VAV1: variants seen among roughly 807,000 people sequenced by gnomAD.
VAV1 encodes vav guanine nucleotide exchange factor 1.
VAV1 carries 33 observed loss-of-function variants against 128.1 expected under a neutral mutation model. That is an observed-to-expected ratio of 0.26 (90% CI 0.20 to 0.34). The LOEUF (loss-of-function observed/expected upper bound fraction) is 0.34. Among genes scored for constraint, VAV1 ranks in the 10% least tolerant of loss-of-function variants. The pLI is 1.00. For missense variants in VAV1, 715 were observed against 1,093.7 expected, an observed-to-expected ratio of 0.65 and a Z score of 4.88; for synonymous variants, 394 against 409.8, an observed-to-expected ratio of 0.96 and a Z score of 0.47.
rs1971813659 is a variant in VAV1, at chr19:6,822,364, G to T, written c.558+35G>T. ...GTGGAGGGTCGGGCCTGGGGAGGGC[G>T]TGGGCGGGGGGCAGCCCCAGGCCCC... On this transcript the variant is annotated intron_variant, in intron 5 of 26. Transcript: ENST00000602142. This position sits in a 1 kb window ranked among gnomAD's most constrained non-coding sequence, Gnocchi z 5.9. 6.4e-7 allele frequency: 1 copy of T among 1,552,344 alleles called. No homozygotes were observed. Among genetic ancestry groups the T allele is most frequent in the Admixed American group, 2.0e-5 (1 of 51,160 alleles).
In VAV1 at chr19:6,822,386, C is replaced by A. The variant is rs1311842594; in HGVS notation, c.559-33C>A. ...GGCGTGGGCGGGGGGCAGCCCCAGG[C>A]CCCCCAACACCGGCCTCTCCCCTCG... On this transcript the variant is annotated intron_variant, in intron 5 of 26. Coordinates refer to ENST00000602142, the MANE Select transcript of VAV1 (RefSeq NM_005428.4). This position sits in a 1 kb window ranked among gnomAD's most constrained non-coding sequence, Gnocchi z 5.9. 3.2e-6 allele frequency: 5 copies of A among 1,552,684 alleles called. No homozygotes were observed. The highest frequency in any genetic ancestry group is 2.0e-5 in the Admixed American group (1 of 51,196).
chr19:6,848,403 T>C (rs573797427), intron 23 of VAV1, among the ~76,000 whole-genome samples: 2 of 141,534 alleles, frequency 1.4e-5, no homozygotes, highest in South Asian at 2.2e-4. Context: ...CCCCTTTTTT[T>C]CTTTTCTTTT....
chr19:6,817,415 A>G (rs1041465323), intron 1 of VAV1, among the ~76,000 whole-genome samples: 5 of 152,136 alleles, frequency 3.3e-5, no homozygotes, highest in African/African-American at 1.2e-4. Context: ...GTTGGCAAGT[A>G]TGTCAGAATC....
intron 1 of VAV1, among the ~76,000 whole-genome samples, chr19:6,785,012 C>T (rs939119672): frequency 6.6e-6 from 1 of 152,216 alleles, no homozygotes; most frequent in African/African-American, 2.4e-5. Flanking sequence ...TTCCCTGCTC[C>T]CTCTCTACCC....
intron 22 of VAV1, 85 bp downstream of exon 22, chr19:6,843,251 AT>A: frequency 6.8e-7 from 1 of 1,461,956 alleles, no homozygotes; most frequent in South Asian, 1.1e-5. Context: ...CTCCGAGCCA[AT>A]TAGTTATGCA....
chr19:6,774,168 C>T (rs1414839249), intron 1 of VAV1, among the ~76,000 whole-genome samples: 3 of 152,140 alleles, frequency 2.0e-5, no homozygotes, highest in Non-Finnish European at 2.9e-5. Context: ...CACTCTGTCA[C>T]GCAGGCTGGA....
Position 6,833,743 on chromosome 19 carries a change from T to A in VAV1, c.1731+10T>A. 1 of 1,614,140 alleles carries A rather than the reference T, an allele frequency of 6.2e-7. No individual in the cohort carries two copies. On this transcript the variant is annotated intron_variant, in intron 18 of 26. Coordinates refer to ENST00000602142, the MANE Select transcript of VAV1 (RefSeq NM_005428.4). ...AGGAACTATGAAGAAGGTAAGACTT[T>A]CCCGTGGTCCTTCCTGTGTACCACA...
chr19:6,841,003 C>A (rs1011878841), intron 21 of VAV1, among the ~76,000 whole-genome samples: 1 of 152,046 alleles, frequency 6.6e-6, no homozygotes, highest in African/African-American at 2.4e-5. Flanking sequence ...GTCTCGAACT[C>A]CTGACCTGAG....
intron 22 of VAV1, among the ~76,000 whole-genome samples, chr19:6,846,907 G>T: frequency 6.8e-6 from 1 of 147,084 alleles, no homozygotes. Context: ...TTTATATTCA[G>T]TGGCTTTTTG....
intron 15 of VAV1, among the ~76,000 whole-genome samples, chr19:6,832,663 T>TCCG (rs1410078205): frequency 6.8e-6 from 1 of 146,958 alleles, no homozygotes; most frequent in African/African-American, 2.5e-5. Context: ...TTCCTCCTCC[T>TCCG]CCTCCTCTTC....
chr19:6,821,522 C>T (rs542975899), intron 2 of VAV1, 100 bp from the exon 3 acceptor site: 4 of 1,402,668 alleles, frequency 2.9e-6, no homozygotes, highest in Non-Finnish European at 3.0e-6. Flanking sequence ...TTCCAAGAGG[C>T]ATGGGATCTA....
rs373833790 is a variant in VAV1, at chr19:6,836,315, T to A, written c.1778-117T>A. The stretch of plus-strand genomic sequence containing the variant: ...AAATTCCAGTTTCTCCACGTCCTTG[T>A]CAACACTTAGTATTGCCAGTCTAAA... On this transcript the variant is annotated intron_variant, in intron 19 of 26. Transcript: ENST00000602142. 36 of 1,321,978 alleles carry A rather than the reference T, an allele frequency of 2.7e-5. 5 individuals carry two copies. The highest frequency in any genetic ancestry group is 5.0e-5 in the East Asian group (2 of 39,652). 81.9% of individuals were successfully genotyped at this position (1,321,978 alleles called of 1,614,324 possible). A position where few individuals can be genotyped will look rare whatever the true frequency, so the allele number is the denominator to read the frequency against.
intron 21 of VAV1, among the ~76,000 whole-genome samples, chr19:6,841,481 T>TC (rs981763147): frequency 3.3e-5 from 5 of 150,092 alleles, no homozygotes; most frequent in South Asian, 2.1e-4. Context: ...TTCTTTTCTT[T>TC]TTTTTTTTTT....
Position 6,826,654 on chromosome 19 carries a change from C to A in VAV1, c.870C>A (p.Ala290=), listed in dbSNP as rs1288529255. ...GCTACTGCAGCCAGGTGGAGTCAGC[C>A]AGCAAACACCTGGACCGTGTGGCCG... ...YGRYCSQVES[A]SKHLDRVAAA... is the part of the protein sequence containing the mutation. Residue 290 remains alanine, a synonymous_variant, in exon 9 of 27, where the codon GCC becomes GCA. Coordinates refer to ENST00000602142, the MANE Select transcript of VAV1 (RefSeq NM_005428.4). This position sits in a 1 kb window ranked among gnomAD's most constrained non-coding sequence, Gnocchi z 4.1. 2 of 1,562,490 alleles carry A rather than the reference C, an allele frequency of 1.3e-6. No homozygotes were observed.
At position 6,820,911 on chromosome 19, in the gene VAV1, A is replaced by C; in HGVS notation, c.321+93A>C. Reference sequence around the variant, plus strand: ...AGCTAAGGACTGTCAGGGGACAGGCAGACAAGCCAGACCAGGCCATATACA... The same window carrying C: ...AGCTAAGGACTGTCAGGGGACAGGCCGACAAGCCAGACCAGGCCATATACA... On this transcript the variant is annotated intron_variant, in intron 2 of 26. Coordinates refer to ENST00000602142, the MANE Select transcript of VAV1 (RefSeq NM_005428.4). This position sits in a 1 kb window ranked among gnomAD's most constrained non-coding sequence, Gnocchi z 4.4. 1 of 1,198,216 alleles carries C rather than the reference A, an allele frequency of 8.3e-7. No individual in the cohort carries two copies. Among genetic ancestry groups the C allele is most frequent in the East Asian group, 2.3e-5 (1 of 42,688 alleles). The allele number at this position is 1,198,216 out of a possible 1,614,324, so 74.2% of individuals were successfully genotyped here. A position where few individuals can be genotyped will look rare whatever the true frequency, so the allele number is the denominator to read the frequency against.
intron 1 of VAV1, among the ~76,000 whole-genome samples, chr19:6,778,719 T>A (rs945220151): frequency 6.6e-6 from 1 of 151,282 alleles, no homozygotes; most frequent in African/African-American, 2.4e-5. Context: ...GAGAGAGACT[T>A]TGTCTCAAAA....
rs747202428 is a variant in VAV1, at chr19:6,820,713, T to G, written c.216T>G (p.Leu72=). The change falls in exon 2 of 27, where the codon CTT becomes CTG. Residue 72 remains leucine, a synonymous_variant. Transcript: ENST00000602142. This position sits in a 1 kb window ranked among gnomAD's most constrained non-coding sequence, Gnocchi z 4.4. The part of the protein sequence containing the change: ...LRPQMSQFLC[L]KNIRTFLSTC... Reference sequence around the variant, plus strand: ...CTGTCTCCTCACAGTTCCTGTGCCTTAAGAACATTAGAACCTTCCTGTCCA... The same window carrying G: ...CTGTCTCCTCACAGTTCCTGTGCCTGAAGAACATTAGAACCTTCCTGTCCA... 6.2e-7 allele frequency: 1 copy of G among 1,614,022 alleles called. No individual in the cohort carries two copies. The highest frequency in any genetic ancestry group is 8.5e-7 in the Non-Finnish European group (1 of 1,180,018).
In VAV1 at chr19:6,822,796, A is replaced by T. The variant is rs1971827192; in HGVS notation, c.654+282A>T. Among the ~76,000 whole-genome samples the T allele has an allele frequency of 6.8e-6, 1 of 147,782 alleles. No homozygotes were observed. The highest frequency in any genetic ancestry group is 2.1e-4 in the South Asian group (1 of 4,804). The stretch of plus-strand genomic sequence containing the variant: ...CAAACAAAATAAATACAAAATCAAA[A>T]ATATATAAATATATTAAACATATAC... On this transcript the variant is annotated intron_variant, in intron 6 of 26. Transcript: ENST00000602142. This position sits in a 1 kb window ranked among gnomAD's most constrained non-coding sequence, Gnocchi z 5.9.
chr19:6,807,799 TGACC>T (rs1040660630), intron 1 of VAV1, among the ~76,000 whole-genome samples: 11 of 151,552 alleles, frequency 7.3e-5, no homozygotes, highest in Non-Finnish European at 1.0e-4. Context: ...GAGACTAGTC[TGACC>T]AAGATGGTGA....
Sources: gnomAD v4.1 joint callset for allele counts (sites outside exome capture counted in the v4.1 genomes callset) on GRCh38, gnomAD v4.1.1 for gene constraint, Gnocchi (gnomAD v3.1) non-coding constraint, MANE v1.5 for transcripts, NCBI Gene and HGNC (gene_info 2026-07-23, HGNC 2026-07-21) for gene names.